The following FAM193A variants were observed in gnomAD, a reference collection of about 807,000 sequenced individuals.
The protein encoded by FAM193A is protein FAM193A.
In FAM193A, 22 loss-of-function variants were observed where a neutral mutation model predicts 126.5. The ratio of observed to expected loss-of-function variants is 0.17; its 90% CI spans 0.12 to 0.25. The LOEUF (loss-of-function observed/expected upper bound fraction) is 0.25, where lower values mean the gene tolerates loss of function less well. Ranked by LOEUF, FAM193A falls within the 10% of genes least tolerant of loss-of-function variation. FAM193A has a pLI of 1.00. For missense variants in FAM193A, 1,675 were observed against 1,672.8 expected (o/e 1.00, Z -0.02); for synonymous variants, 761 against 646.8 (o/e 1.18, Z -2.68).
At chr4:2,698,458 C>T (rs1717296134) in intron 18 of FAM193A, among the ~76,000 whole-genome samples, 1 of 152,190 alleles carries the variant, frequency 6.6e-6, no homozygotes, top group African/African-American at 2.4e-5. Context: ...CTGACATACA[C>T]ATGGAGAAGG....
chr4:2,639,011 G>A (rs1744355534), intron 5 of FAM193A, among the ~76,000 whole-genome samples: 2 of 152,218 alleles, frequency 1.3e-5, no homozygotes, highest in Non-Finnish European at 2.9e-5. Context: ...TGTCCGTGTA[G>A]TTGACAGAGG....
chr4:2,690,272 C>T (rs1038021710), intron 14 of FAM193A, among the ~76,000 whole-genome samples: 1 of 152,206 alleles, frequency 6.6e-6, no homozygotes, highest in African/African-American at 2.4e-5. Context: ...CTCTGTCTTC[C>T]TGCGGCCAGA....
intron 1 of FAM193A, among the ~76,000 whole-genome samples, chr4:2,556,215 T>G (rs952468558): frequency 4.1e-5 from 6 of 146,748 alleles, no homozygotes; most frequent in African/African-American, 1.0e-4. Flanking sequence ...CTGTCCTTTT[T>G]TTGTTGTTGT....
intron 1 of FAM193A, among the ~76,000 whole-genome samples, chr4:2,584,880 G>A (rs576590365): frequency 1.3e-4 from 20 of 151,988 alleles, no homozygotes; most frequent in African/African-American, 2.2e-4. Context: ...AGCCGAGACC[G>A]TGCCACTGCA....
Position 2,663,090 on chromosome 4 carries a change from C to T in FAM193A, c.1900-19C>T, listed in dbSNP as rs536541036. The T allele has an allele frequency of 3.2e-5, 51 of 1,604,998 alleles. No homozygotes were observed. The South Asian group carries it at 5.4e-4, about 17-fold the overall frequency. On this transcript the variant is annotated intron_variant, in intron 11 of 20. Transcript: ENST00000637812. ...ACTCTGTTTTGAAAAGTGCAAATTA[C>T]AAAAGATTGTCTTTAAAGTCTCCTC...
rs1740845558 is a variant in FAM193A, at chr4:2,596,112, G to A, written c.284G>A (p.Arg95Lys). 1.4e-6 allele frequency: 1 copy of A among 702,362 alleles called. No homozygotes were observed. The highest frequency in any genetic ancestry group is 2.6e-6 in the Non-Finnish European group (1 of 384,844). 43.5% of individuals were successfully genotyped at this position (702,362 alleles called of 1,614,324 possible). ...ETPFSFGMNHRTPPYPAGDYC... is the reference protein window; with the variant it reads ...ETPFSFGMNHKTPPYPAGDYC... ...CCTTTTAGTTTTGGCATGAATCATA[G>A]GACACCACCCTACCCTGCTGGGGAT... Residue 95 changes from arginine to lysine, a missense_variant, in exon 2 of 21, where the codon AGG (arginine) becomes AAG (lysine). Arg to Lys is a conservative substitution (Grantham distance 26). This residue lies in a region of FAM193A where 1,186 missense variants were observed against 1,109.2 expected (regional missense o/e 1.07). Coordinates refer to ENST00000637812, the MANE Select transcript of FAM193A (RefSeq NM_001366318.2).
At chr4:2,573,899 A>G (rs113371163) in intron 1 of FAM193A, among the ~76,000 whole-genome samples, 12 of 152,222 alleles carry the variant, frequency 7.9e-5, no homozygotes, top group African/African-American at 2.4e-4. Context: ...TTTCTAGTCA[A>G]AGGGAGACAA....
intron 1 of FAM193A, among the ~76,000 whole-genome samples, chr4:2,539,828 G>A (rs1737117143): frequency 6.6e-6 from 1 of 152,168 alleles, no homozygotes; most frequent in Non-Finnish European, 1.5e-5. Flanking sequence ...GCCGGGCACC[G>A]TGGCTCATGC....
In FAM193A at chr4:2,659,903, C is replaced by G. The variant is rs1238503109; in HGVS notation, c.1594C>G (p.Pro532Ala). 1 of 1,614,182 alleles carries G rather than the reference C, an allele frequency of 6.2e-7. No individual in the cohort carries two copies. Among genetic ancestry groups the G allele is most frequent in the Non-Finnish European group, 8.5e-7 (1 of 1,180,032 alleles). Residue 532 changes from proline (P) to alanine (A), a missense_variant, in exon 10 of 21, where the codon CCA becomes GCA. By Grantham distance (27) the Pro-to-Ala change is conservative. This residue lies in a region of FAM193A where 1,186 missense variants were observed against 1,109.2 expected (regional missense o/e 1.07). Transcript: ENST00000637812. ...TGATGACATCCACATTCACCAGCTC[C>G]CACTTCAAGTGGATCCTGCTCCTGA... ...VTDDIHIHQL[P>A]LQVDPAPDYL...
intron 2 of FAM193A, among the ~76,000 whole-genome samples, chr4:2,621,776 C>A (rs2108967109): frequency 6.6e-6 from 1 of 152,100 alleles, no homozygotes; most frequent in Admixed American, 6.6e-5. Context: ...GTTAGATGGG[C>A]GTGGGATGGA....
At chr4:2,565,523 T>C (rs1334458287) in intron 1 of FAM193A, among the ~76,000 whole-genome samples, 1 of 152,070 alleles carries the variant, frequency 6.6e-6, no homozygotes, top group Non-Finnish European at 1.5e-5. Flanking sequence ...CCCAGAGTGC[T>C]GGGATTACAG....
At chr4:2,584,601 C>T (rs1046886834) in intron 1 of FAM193A, among the ~76,000 whole-genome samples, 2 of 152,074 alleles carry the variant, frequency 1.3e-5, no homozygotes, top group South Asian at 2.1e-4. Flanking sequence ...GGCTACTACT[C>T]GATTACAGTT....
chr4:2,661,719 G>T (rs1712470045), intron 10 of FAM193A, among the ~76,000 whole-genome samples: 1 of 152,130 alleles, frequency 6.6e-6, no homozygotes, highest in Non-Finnish European at 1.5e-5. Flanking sequence ...GAGTTCCTAG[G>T]GTTTTGCCTT....
intron 19 of FAM193A, among the ~76,000 whole-genome samples, chr4:2,706,662 TTTAC>T (rs1306570066): frequency 6.6e-6 from 1 of 151,426 alleles, no homozygotes; most frequent in East Asian, 1.9e-4. Flanking sequence ...TTCCTCTCTG[TTTAC>T]TTGTGTCATT....
Position 2,660,036 on chromosome 4 carries a change from G to C in FAM193A, c.1727G>C (p.Ser576Thr), listed in dbSNP as rs1300217851. ...QQHPRLILTD[S>T]GSAPTFCSDD... ...CACCCCAGGCTCATCCTCACAGACA[G>C]TGGCTCGGCACCAACTTTGTAAGTT... Residue 576 changes from serine (S) to threonine (T), a missense_variant, in exon 10 of 21, where the codon AGT becomes ACT. By Grantham distance (58) the Ser-to-Thr change is moderately conservative (BLOSUM62 1). Around this residue, in one of 4 missense-constraint regions of FAM193A, gnomAD observed 1,186 missense variants for 1,109.2 expected, o/e 1.07. Coordinates refer to ENST00000637812, the MANE Select transcript of FAM193A (RefSeq NM_001366318.2). 1 of 1,613,842 alleles carries C rather than the reference G, an allele frequency of 6.2e-7. No individual in the cohort carries two copies. Among genetic ancestry groups the C allele is most frequent in the East Asian group, 2.2e-5 (1 of 44,892 alleles).
At chr4:2,722,391 G>C (rs1026846819) in intron 20 of FAM193A, among the ~76,000 whole-genome samples, 20 of 152,208 alleles carry the variant, frequency 1.3e-4, no homozygotes, top group Admixed American at 8.5e-4. Flanking sequence ...TGTGGAAGCT[G>C]TGCAGTGGTT....
intron 19 of FAM193A, among the ~76,000 whole-genome samples, chr4:2,701,607 G>C (rs908913257): frequency 2.6e-5 from 4 of 152,102 alleles, no homozygotes; most frequent in Non-Finnish European, 5.9e-5. Context: ...ATCCTGGGTT[G>C]AGCTGGTCTG....
chr4:2,542,106 C>T (rs4974712), intron 1 of FAM193A, among the ~76,000 whole-genome samples: 49,755 of 151,750 alleles, frequency 0.33, 9,613 homozygotes, highest in Admixed American at 0.53. Flanking sequence ...ACCTCCGCCT[C>T]CTGGGTTCAA....
chr4:2,619,603 G>A (rs1260257769), intron 2 of FAM193A, among the ~76,000 whole-genome samples: 4 of 152,058 alleles, frequency 2.6e-5, no homozygotes, highest in Non-Finnish European at 5.9e-5. Flanking sequence ...CCTGACCTCA[G>A]GTGGTCCCGC....
Sources: gnomAD v4.1 joint callset for allele counts (sites outside exome capture counted in the v4.1 genomes callset) on GRCh38, gnomAD v4.1.1 for gene constraint, gnomAD v4.1.1 regional missense constraint, MANE v1.5 for transcripts, NCBI Gene and HGNC (gene_info 2026-07-23, HGNC 2026-07-21) for gene names.